Variants in DLG2 observed in about 807,000 individuals in gnomAD.
The protein encoded by DLG2 is discs large MAGUK scaffold protein 2, also known as disks large homolog 2.
In DLG2, 45 loss-of-function variants were observed where a neutral mutation model predicts 132.5. That is an observed-to-expected ratio of 0.34 (90% CI 0.27 to 0.44). DLG2 has a LOEUF of 0.44. Among genes scored for constraint, DLG2 ranks in the 20% least tolerant of loss-of-function variants. DLG2 has a pLI of 1.00. For missense variants in DLG2, 1,045 were observed against 1,196.9 expected, an observed-to-expected ratio of 0.87 and a Z score of 1.87; for synonymous variants, 424 against 419.6, an observed-to-expected ratio of 1.01 and a Z score of -0.13.
At chr11:84,712,285 G>A (rs1343426830) in intron 6 of DLG2, among the ~76,000 whole-genome samples, 1 of 151,874 alleles carries the variant, frequency 6.6e-6, no homozygotes, top group East Asian at 1.9e-4. Flanking sequence ...TATATTCAAC[G>A]TTTTTCTCTC....
chr11:84,900,903 A>T (rs1255300395), intron 6 of DLG2, among the ~76,000 whole-genome samples: 2 of 152,086 alleles, frequency 1.3e-5, no homozygotes, highest in Non-Finnish European at 2.9e-5. Flanking sequence ...TTCAGTACAC[A>T]ATATGCAAGG....
chr11:83,921,847 T>G (rs1043736554), intron 15 of DLG2, among the ~76,000 whole-genome samples: 6 of 91,570 alleles, frequency 6.6e-5, no homozygotes, highest in African/African-American at 1.6e-4. Flanking sequence ...TATCTCACTT[T>G]TAACTTTTTT....
At chr11:85,495,843 G>T (rs567203918) in intron 3 of DLG2, among the ~76,000 whole-genome samples, 1 of 152,054 alleles carries the variant, frequency 6.6e-6, no homozygotes, top group Non-Finnish European at 1.5e-5. Context: ...TGTTTATTGT[G>T]GCACTATTTA....
At chr11:84,255,046 T>A (rs1001449697) in intron 7 of DLG2, among the ~76,000 whole-genome samples, 1 of 152,146 alleles carries the variant, frequency 6.6e-6, no homozygotes, top group Admixed American at 6.5e-5. Context: ...CCCACTGCCC[T>A]GCTCCAGGAC....
chr11:85,353,344 G>A (rs1442371682), intron 3 of DLG2, among the ~76,000 whole-genome samples: 2 of 152,196 alleles, frequency 1.3e-5, no homozygotes, highest in Non-Finnish European at 2.9e-5. Context: ...AACAACAGAT[G>A]CTGGAGAGGA....
intron 18 of DLG2, among the ~76,000 whole-genome samples, chr11:83,737,495 G>A (rs925943607): frequency 6.6e-6 from 1 of 152,098 alleles, no homozygotes; most frequent in Admixed American, 6.5e-5. Flanking sequence ...CATTTCTGCT[G>A]AATCTGAAAG....
At chr11:84,548,650 T>C (rs1269602226) in intron 6 of DLG2, among the ~76,000 whole-genome samples, 1 of 152,194 alleles carries the variant, frequency 6.6e-6, no homozygotes, top group Non-Finnish European at 1.5e-5. Flanking sequence ...ATGGTGTATA[T>C]GTGCCACATT....
At chr11:85,057,056 T>A (rs909690602) in intron 6 of DLG2, among the ~76,000 whole-genome samples, 6 of 151,854 alleles carry the variant, frequency 4.0e-5, no homozygotes, top group African/African-American at 1.4e-4. Context: ...AAGTGAATAT[T>A]GGCTATGCAG....
At chr11:84,972,637 T>C (rs529383143) in intron 6 of DLG2, among the ~76,000 whole-genome samples, 1 of 152,200 alleles carries the variant, frequency 6.6e-6, no homozygotes, top group Non-Finnish European at 1.5e-5. Flanking sequence ...TAACAGAAGG[T>C]GCTACCTGCC....
intron 6 of DLG2, among the ~76,000 whole-genome samples, chr11:84,839,349 C>T (rs576697277): frequency 4.6e-5 from 7 of 152,104 alleles, no homozygotes; most frequent in African/African-American, 1.7e-4. Flanking sequence ...AAAGAGGACA[C>T]AAACAAATGG....
At chr11:84,654,546 T>C (rs2099685897) in intron 6 of DLG2, among the ~76,000 whole-genome samples, 1 of 152,216 alleles carries the variant, frequency 6.6e-6, no homozygotes, top group Non-Finnish European at 1.5e-5. Context: ...TGGTACATAA[T>C]AAATCTTGCC....
At chr11:83,896,402 A>G (rs1028619011) in intron 15 of DLG2, among the ~76,000 whole-genome samples, 3 of 152,240 alleles carry the variant, frequency 2.0e-5, no homozygotes, top group African/African-American at 7.2e-5. Flanking sequence ...AACGCAGCTG[A>G]GCATGAAATT....
intron 3 of DLG2, among the ~76,000 whole-genome samples, chr11:85,310,880 A>G (rs142682506): frequency 1.1e-3 from 175 of 152,280 alleles, no homozygotes; most frequent in African/African-American, 4.1e-3. Context: ...TCATATATGT[A>G]TGCTCTGTAA....
At chr11:84,145,368 C>A (rs192382537) in intron 9 of DLG2, among the ~76,000 whole-genome samples, 1 of 152,260 alleles carries the variant, frequency 6.6e-6, no homozygotes, top group African/African-American at 2.4e-5. Flanking sequence ...TAGACCATTG[C>A]TCTTAGGATA....
chr11:84,311,012 A>G (rs2098281169), intron 7 of DLG2, among the ~76,000 whole-genome samples: 1 of 152,186 alleles, frequency 6.6e-6, no homozygotes, highest in Admixed American at 6.5e-5. Flanking sequence ...ATACAAGCTT[A>G]TGGGAATGCT....
chr11:84,438,458 C>CT (rs1254761206), intron 7 of DLG2, among the ~76,000 whole-genome samples: 1 of 150,182 alleles, frequency 6.7e-6, no homozygotes, highest in Non-Finnish European at 1.5e-5. Flanking sequence ...GCAAACTACT[C>CT]TTTTTAAAAA....
intron 17 of DLG2, among the ~76,000 whole-genome samples, chr11:83,802,072 T>C (rs114458997): frequency 0.011 from 1,602 of 152,126 alleles, 36 homozygotes; most frequent in African/African-American, 0.036. Flanking sequence ...CAAGACTTTT[T>C]TTTTTTCTTT....
intron 7 of DLG2, among the ~76,000 whole-genome samples, chr11:84,527,464 T>A (rs1042917052): frequency 2.6e-5 from 4 of 152,206 alleles, no homozygotes; most frequent in Admixed American, 6.5e-5. Flanking sequence ...TCAAATGTCT[T>A]CTATATATAC....
chr11:84,603,561 G>C (rs1180314487), intron 6 of DLG2, among the ~76,000 whole-genome samples: 6 of 151,868 alleles, frequency 4.0e-5, no homozygotes, highest in Non-Finnish European at 7.4e-5. Context: ...ACAATTCTTA[G>C]GGGTCAACAA....
Sources: allele counts gnomAD v4.1 joint callset (sites outside exome capture counted in the v4.1 genomes callset), GRCh38; gene constraint gnomAD v4.1.1; transcripts MANE v1.5; gene names NCBI Gene and HGNC (gene_info 2026-07-23, HGNC 2026-07-21).